Variants in NXPH1 observed in about 807,000 individuals in gnomAD.
NXPH1 encodes the protein neurexophilin-1.
A neutral mutation model predicts 23.7 loss-of-function variants in NXPH1; 5 were observed. That is an observed-to-expected ratio of 0.21 (90% CI 0.11 to 0.44). The LOEUF (loss-of-function observed/expected upper bound fraction) is 0.44. Among genes scored for constraint, NXPH1 ranks in the 20% least tolerant of loss-of-function variants. The pLI is 0.99. For synonymous variants in NXPH1, 144 were observed against 122.2 expected (o/e 1.18, Z -1.18); for missense variants, 324 against 321.6 (o/e 1.01, Z -0.06).
At chr7:8,634,613 G>C (rs1820187474) in intron 2 of NXPH1, among the ~76,000 whole-genome samples, 1 of 149,848 alleles carries the variant, frequency 6.7e-6, no homozygotes. Context: ...AAATTCTTTG[G>C]AGTGAGTTCT....
At chr7:8,571,977 T>G (rs1818658539) in intron 2 of NXPH1, among the ~76,000 whole-genome samples, 1 of 151,600 alleles carries the variant, frequency 6.6e-6, no homozygotes, top group Admixed American at 6.6e-5. Flanking sequence ...TACCAAGGGG[T>G]AGGCTTGAAA....
chr7:8,509,414 T>G (rs1817578929), intron 2 of NXPH1, among the ~76,000 whole-genome samples: 1 of 152,144 alleles, frequency 6.6e-6, no homozygotes, highest in Non-Finnish European at 1.5e-5. Context: ...TTGTGCCCTG[T>G]CATAGAGAGT....
At chr7:8,706,252 C>T (rs1332213026) in intron 2 of NXPH1, among the ~76,000 whole-genome samples, 1 of 152,144 alleles carries the variant, frequency 6.6e-6, no homozygotes. Flanking sequence ...ATTTTAGCTG[C>T]CATCATAAAC....
chr7:8,505,486 A>G (rs542403439), intron 2 of NXPH1, among the ~76,000 whole-genome samples: 2 of 152,212 alleles, frequency 1.3e-5, no homozygotes, highest in East Asian at 3.9e-4. Flanking sequence ...TCAACATTGC[A>G]GACTGGATTT....
At chr7:8,455,906 C>T (rs575798273) in intron 2 of NXPH1, among the ~76,000 whole-genome samples, 1 of 152,274 alleles carries the variant, frequency 6.6e-6, no homozygotes, top group African/African-American at 2.4e-5. Flanking sequence ...GGGATATTTT[C>T]TTGCCAATCA....
intron 2 of NXPH1, among the ~76,000 whole-genome samples, chr7:8,659,952 T>G (rs5029276): frequency 2.0e-5 from 3 of 151,850 alleles, no homozygotes; most frequent in African/African-American, 7.3e-5. Context: ...GGACATTTCA[T>G]AATACAGAGA....
Position 8,435,944 on chromosome 7 carries a change from C to A in NXPH1, c.54+177C>A, listed in dbSNP as rs1057207133. Among the ~76,000 whole-genome samples the A allele has an allele frequency of 6.6e-6, 1 of 152,122 alleles. No homozygotes were observed. Among genetic ancestry groups the A allele is most frequent in the East Asian group, 1.9e-4 (1 of 5,194 alleles). On this transcript the variant is annotated intron_variant, in intron 2 of 2. Coordinates refer to ENST00000405863, the MANE Select transcript of NXPH1 (RefSeq NM_152745.3). This position sits in a 1 kb window ranked among gnomAD's most constrained non-coding sequence, Gnocchi z 5.9. Reference sequence around the variant, plus strand: ...GATTCCTGCGGATTTTCCGGGGTTCCCACCCCATTTTCTGCTCCAATCCCC... The same window carrying A: ...GATTCCTGCGGATTTTCCGGGGTTCACACCCCATTTTCTGCTCCAATCCCC...
chr7:8,677,686 A>G (rs17334380), intron 2 of NXPH1, among the ~76,000 whole-genome samples: 1,965 of 152,322 alleles, frequency 0.013, 25 homozygotes, highest in South Asian at 0.039. Flanking sequence ...GTTTCCAACT[A>G]TACAAGGCAC....
chr7:8,520,661 C>T (rs10255873), intron 2 of NXPH1, among the ~76,000 whole-genome samples: 51,606 of 151,904 alleles, frequency 0.34, 9,040 homozygotes, highest in African/African-American at 0.38. Flanking sequence ...GACTGTTTGA[C>T]CATGCCCAAG....
At chr7:8,691,967 G>A (rs1022363176) in intron 2 of NXPH1, among the ~76,000 whole-genome samples, 1 of 151,964 alleles carries the variant, frequency 6.6e-6, no homozygotes, top group African/African-American at 2.4e-5. Context: ...GAGTGACAAG[G>A]GGCACTAGTC....
intron 2 of NXPH1, among the ~76,000 whole-genome samples, chr7:8,495,010 G>A (rs772282111): frequency 6.6e-6 from 1 of 152,000 alleles, no homozygotes; most frequent in Non-Finnish European, 1.5e-5. Context: ...GGTTTAAAAA[G>A]GGATGTTAAA....
intron 2 of NXPH1, among the ~76,000 whole-genome samples, chr7:8,503,727 C>T (rs559903548): frequency 6.6e-6 from 1 of 152,078 alleles, no homozygotes; most frequent in Admixed American, 6.6e-5. Flanking sequence ...CACACTAGTT[C>T]AGACCCATAG....
chr7:8,601,589 C>G (rs541562990), intron 2 of NXPH1, among the ~76,000 whole-genome samples: 1 of 152,234 alleles, frequency 6.6e-6, no homozygotes, highest in South Asian at 2.1e-4. Flanking sequence ...CTTGTCCTCA[C>G]CAAAGTTATG....
intron 2 of NXPH1, among the ~76,000 whole-genome samples, chr7:8,605,233 A>G (rs986925858): frequency 5.9e-5 from 9 of 152,148 alleles, no homozygotes; most frequent in Non-Finnish European, 1.3e-4. Context: ...ATTTTGGCTC[A>G]CTGGAATGCC....
chr7:8,707,075 G>C (rs1236938812), intron 2 of NXPH1, among the ~76,000 whole-genome samples: 1 of 152,138 alleles, frequency 6.6e-6, no homozygotes, highest in African/African-American at 2.4e-5. Context: ...ATTTTAATAT[G>C]TTTTAATGAT....
At chr7:8,726,177 A>G (rs1211339119) in intron 2 of NXPH1, among the ~76,000 whole-genome samples, 2 of 152,104 alleles carry the variant, frequency 1.3e-5, no homozygotes, top group African/African-American at 4.8e-5. Context: ...ATCTGTATGT[A>G]TATTATTAAT....
chr7:8,572,479 C>T (rs1171548096), intron 2 of NXPH1, among the ~76,000 whole-genome samples: 3 of 152,052 alleles, frequency 2.0e-5, no homozygotes, highest in Non-Finnish European at 4.4e-5. Flanking sequence ...TACGTTTTAG[C>T]ACCTCATTCT....
chr7:8,692,078 G>A (rs961030861), intron 2 of NXPH1, among the ~76,000 whole-genome samples: 1 of 151,840 alleles, frequency 6.6e-6, no homozygotes, highest in Non-Finnish European at 1.5e-5. Flanking sequence ...ACCAGAAGAT[G>A]GTCAGGGAGG....
intron 2 of NXPH1, among the ~76,000 whole-genome samples, chr7:8,693,635 A>C (rs1481533655): frequency 6.6e-6 from 1 of 152,218 alleles, no homozygotes; most frequent in East Asian, 1.9e-4. Context: ...TTCATTGTTT[A>C]AAATCTCAGA....
Sources: gnomAD v4.1 joint callset for allele counts (sites outside exome capture counted in the v4.1 genomes callset) on GRCh38, gnomAD v4.1.1 for gene constraint, Gnocchi (gnomAD v3.1) non-coding constraint, MANE v1.5 for transcripts, NCBI Gene and HGNC (gene_info 2026-07-23, HGNC 2026-07-21) for gene names.